Variants in PI4KA observed in about 807,000 individuals in gnomAD.
PI4KA encodes phosphatidylinositol 4-kinase alpha.
A neutral mutation model predicts 271.4 loss-of-function variants in PI4KA; 122 were observed. That is an observed-to-expected ratio of 0.45 (90% CI 0.39 to 0.52). The LOEUF (loss-of-function observed/expected upper bound fraction) is 0.52. PI4KA is among the 20% of genes least tolerant of loss of function. The pLI, the probability that PI4KA is intolerant of heterozygous loss-of-function variation, is 0.00. For missense variants in PI4KA, 1,969 were observed against 2,769.1 expected (o/e 0.71, Z 6.48); for synonymous variants, 1,041 against 1,078.8 (o/e 0.96, Z 0.69).
In PI4KA at chr22:20,741,445, G is replaced by A. The variant is rs528644893; in HGVS notation, c.3741+783C>T. Among the ~76,000 whole-genome samples, 20 of 152,198 alleles carry A rather than the reference G, an allele frequency of 1.3e-4. No individual in the cohort carries two copies. The East Asian group carries it at 3.9e-3, about 29-fold the overall frequency. On this transcript the variant is annotated intron_variant, in intron 32 of 54. Transcript: ENST00000255882. ...AACCCAGCACTCCCCTGACTTCACA[G>A]GTGTCCCCCTGACTAGACAACCTCC...
chr22:20,779,853 T>G (rs757248078), intron 19 of PI4KA: 1 of 1,614,224 alleles, frequency 6.2e-7, no homozygotes, highest in Non-Finnish European at 8.5e-7. Context: ...GCACTCGATT[T>G]TGCATTTTAA....
At chr22:20,837,353 G>C (rs1233244860) in intron 2 of PI4KA, among the ~76,000 whole-genome samples, 1 of 150,562 alleles carries the variant, frequency 6.6e-6, no homozygotes, top group Admixed American at 6.7e-5. Context: ...CTCCAGCCTA[G>C]GCGATAGAGT....
rs916666559 is a variant in PI4KA, at chr22:20,797,444, C to T, written c.2109-1130G>A. 7.9e-5 allele frequency among the ~76,000 whole-genome samples: 12 copies of T among 152,080 alleles called. No homozygotes were observed. In the South Asian group the frequency reaches 2.1e-3, roughly 26 times the overall value. On this transcript the variant is annotated intron_variant, in intron 17 of 54. Coordinates refer to ENST00000255882, the MANE Select transcript of PI4KA (RefSeq NM_058004.4). ...AGAAAGGGCCCAGCAGTCACATAGGCGCAAGGAAGCAATGTGTTGGCCTGT... is the reference window on the plus strand; with the variant it reads ...AGAAAGGGCCCAGCAGTCACATAGGTGCAAGGAAGCAATGTGTTGGCCTGT...
At chr22:20,807,931 A>T (rs1045795335) in intron 9 of PI4KA, among the ~76,000 whole-genome samples, 1 of 152,174 alleles carries the variant, frequency 6.6e-6, no homozygotes, top group Non-Finnish European at 1.5e-5. Flanking sequence ...ATCTATTTGA[A>T]ATGTAGCACT....
At position 20,779,504 on chromosome 22, in the gene PI4KA, C is replaced by T. The variant is rs768402549; in HGVS notation, c.2328+13689G>A. On this transcript the variant is annotated intron_variant, in intron 19 of 54. Coordinates refer to ENST00000255882, the MANE Select transcript of PI4KA (RefSeq NM_058004.4). ...CTGCCGACTTCCACAAGGAAAACAC[C>T]GTCACCAACGACTGGATTCCAGAGG... is the stretch of plus-strand genomic sequence containing the variant. 33 of 1,613,952 alleles carry T rather than the reference C, an allele frequency of 2.0e-5. No individual in the cohort carries two copies. The East Asian group carries it at 4.7e-4, about 23-fold the overall frequency.
At chr22:20,823,216 T>G (rs1252366573) in intron 4 of PI4KA, among the ~76,000 whole-genome samples, 1 of 152,130 alleles carries the variant, frequency 6.6e-6, no homozygotes, top group Non-Finnish European at 1.5e-5. Flanking sequence ...ACCCAGCCAC[T>G]TTTTCCATTT....
intron 29 of PI4KA, among the ~76,000 whole-genome samples, chr22:20,745,054 G>C (rs1680479716): frequency 6.6e-6 from 1 of 152,194 alleles, no homozygotes; most frequent in Non-Finnish European, 1.5e-5. Context: ...CTCCTTGAGA[G>C]TTGCGTGTGC....
chr22:20,757,397 TCC>T (rs1931425761), intron 23 of PI4KA, among the ~76,000 whole-genome samples: 2 of 151,878 alleles, frequency 1.3e-5, no homozygotes, highest in South Asian at 4.2e-4. Context: ...GAACAATCAG[TCC>T]CCCGGAACAA....
At chr22:20,797,626 T>C (rs1179138819) in intron 17 of PI4KA, among the ~76,000 whole-genome samples, 5 of 152,164 alleles carry the variant, frequency 3.3e-5, no homozygotes, top group Non-Finnish European at 7.4e-5. Context: ...GACAGCTCTA[T>C]TGATTGGGAG....
chr22:20,733,892 C>T (rs774903176), intron 34 of PI4KA, 49 bp from the exon 35 acceptor site: 2 of 1,611,696 alleles, frequency 1.2e-6, no homozygotes, highest in East Asian at 2.2e-5. Context: ...GGCCTGGGGC[C>T]AAGTTCACCT....
chr22:20,853,112 C>T (rs1927189423), intron 1 of PI4KA, among the ~76,000 whole-genome samples: 1 of 152,184 alleles, frequency 6.6e-6, no homozygotes, highest in Non-Finnish European at 1.5e-5. Context: ...GCTACGACAC[C>T]TCAGGATTCT....
rs762389666 is a variant in PI4KA, at chr22:20,793,233, C to T, written c.2288G>A (p.Ser763Asn). 1.9e-6 allele frequency: 3 copies of T among 1,569,182 alleles called. No individual in the cohort carries two copies. In the East Asian group the frequency reaches 6.7e-5, roughly 35 times the overall value. Residue 763 changes from serine (S) to asparagine (N), a missense_variant, in exon 19 of 55, where the codon AGT (serine) becomes AAT (asparagine). Physicochemically the swap from Ser to Asn is conservative, Grantham distance 46 (BLOSUM62 1). Transcript: ENST00000255882. ...AATGAGTACTCCCAAGTTCCCTGCA[C>T]TGCTAGAAGCCTAGAAAAGAACAGA... ...EKGPALKASS[S>N]AGNLGVLIPV...
At chr22:20,816,560 G>C (rs1921836317) in intron 7 of PI4KA, among the ~76,000 whole-genome samples, 2 of 152,260 alleles carry the variant, frequency 1.3e-5, no homozygotes, top group African/African-American at 4.8e-5. Flanking sequence ...CTACTTGAAA[G>C]GGCAAGGCCA....
At chr22:20,725,765 A>G (rs1421365875) in intron 42 of PI4KA, 2 of 308,966 alleles carry the variant, frequency 6.5e-6, no homozygotes, top group Admixed American at 7.6e-5. Context: ...GCGTGGTCGC[A>G]CACGCCTGTC....
At chr22:20,751,145 G>C (rs1040274152) in intron 27 of PI4KA, 148 bp downstream of exon 27, 4 of 622,296 alleles carry the variant, frequency 6.4e-6, no homozygotes, top group South Asian at 4.2e-5. Context: ...CAATGGCTTG[G>C]TCTCCTCACT....
intron 16 of PI4KA, 174 bp from the exon 17 acceptor site, chr22:20,798,861 G>A: frequency 3.2e-6 from 2 of 628,814 alleles, no homozygotes; most frequent in East Asian, 5.4e-5. Flanking sequence ...AGCTAAAAGG[G>A]ACATGGCTTA....
At chr22:20,786,345 A>T (rs1351362922) in intron 19 of PI4KA, among the ~76,000 whole-genome samples, 1 of 152,126 alleles carries the variant, frequency 6.6e-6, no homozygotes, top group Non-Finnish European at 1.5e-5. Flanking sequence ...CCTGGCAGAC[A>T]CTTACTGGGC....
chr22:20,714,355 T>C, intron 47 of PI4KA, 103 bp downstream of exon 47: 1 of 1,503,630 alleles, frequency 6.7e-7, no homozygotes, highest in South Asian at 1.3e-5. Flanking sequence ...ACAGACATCA[T>C]CTTTTATGGA....
At chr22:20,754,894 G>A (rs1479638904) in intron 23 of PI4KA, among the ~76,000 whole-genome samples, 1 of 152,212 alleles carries the variant, frequency 6.6e-6, no homozygotes, top group African/African-American at 2.4e-5. Flanking sequence ...GTTGCAGTGA[G>A]CTGAGATCAT....
Sources: allele counts gnomAD v4.1 joint callset (sites outside exome capture counted in the v4.1 genomes callset), GRCh38; gene constraint gnomAD v4.1.1; transcripts MANE v1.5; gene names NCBI Gene and HGNC (gene_info 2026-07-23, HGNC 2026-07-21).